RGS6: variants seen among roughly 807,000 people sequenced by gnomAD.
The protein encoded by RGS6 is regulator of G protein signaling 6, also known as regulator of G-protein signaling 6.
A neutral mutation model predicts 78.5 loss-of-function variants in RGS6; 30 were observed. That is an observed-to-expected ratio of 0.38 (90% CI 0.29 to 0.52). The LOEUF (loss-of-function observed/expected upper bound fraction) is 0.52. Ranked by LOEUF, RGS6 falls within the 20% of genes least tolerant of loss-of-function variation. The pLI is 0.85. For synonymous variants in RGS6, 206 were observed against 206.0 expected, an observed-to-expected ratio of 1.00 and a Z score of 0.00; for missense variants, 495 against 609.7, an observed-to-expected ratio of 0.81 and a Z score of 1.98.
chr14:72,097,479 G>A (rs2153517051), intron 2 of RGS6, among the ~76,000 whole-genome samples: 1 of 152,310 alleles, frequency 6.6e-6, no homozygotes, highest in Admixed American at 6.5e-5. Flanking sequence ...CTGAATGAAT[G>A]GCAATAGAGC....
chr14:72,534,721 A>G (rs1489705614), intron 15 of RGS6, among the ~76,000 whole-genome samples: 1 of 152,008 alleles, frequency 6.6e-6, no homozygotes, highest in East Asian at 1.9e-4. Flanking sequence ...CTGGCCAGGC[A>G]TCTCTAAAAT....
chr14:72,358,827 T>C (rs1349901051), intron 3 of RGS6, among the ~76,000 whole-genome samples: 1 of 152,126 alleles, frequency 6.6e-6, no homozygotes, highest in Non-Finnish European at 1.5e-5. Context: ...AATGTGAGGA[T>C]ATGAGATTTG....
chr14:72,465,154 A>G (rs2095869207), intron 6 of RGS6, among the ~76,000 whole-genome samples: 1 of 152,220 alleles, frequency 6.6e-6, no homozygotes, highest in Non-Finnish European at 1.5e-5. Flanking sequence ...CAGTGCCTGC[A>G]TGAGGGAGAA....
chr14:72,410,759 AG>A (rs781060022), intron 3 of RGS6, among the ~76,000 whole-genome samples: 8 of 152,202 alleles, frequency 5.3e-5, no homozygotes, highest in Non-Finnish European at 1.2e-4. Context: ...GGTGTAAAGG[AG>A]GGATCCAGTT....
At chr14:71,875,102 C>A in the RGS6 span, among the ~76,000 whole-genome samples, 3 of 151,972 alleles carry the variant, frequency 2.0e-5, no homozygotes, top group African/African-American at 4.8e-5. Flanking sequence ...GTCTAAAATT[C>A]TCTTTTTTTT....
At chr14:72,211,802 T>TA (rs2044242229) in intron 2 of RGS6, among the ~76,000 whole-genome samples, 1 of 152,210 alleles carries the variant, frequency 6.6e-6, no homozygotes. Context: ...GCTGAGTTAC[T>TA]ATTTTCTCCA....
chr14:71,976,368 G>C (rs1472196426), intron 2 of RGS6, among the ~76,000 whole-genome samples: 1 of 149,470 alleles, frequency 6.7e-6, no homozygotes, highest in African/African-American at 2.5e-5. Flanking sequence ...CCACTAACTC[G>C]TCATCTAGCA....
At chr14:72,146,184 A>C (rs1170635571) in intron 2 of RGS6, among the ~76,000 whole-genome samples, 1 of 152,004 alleles carries the variant, frequency 6.6e-6, no homozygotes, top group Non-Finnish European at 1.5e-5. Flanking sequence ...TTATGATACA[A>C]ACCTACTCTC....
intron 2 of RGS6, among the ~76,000 whole-genome samples, chr14:72,151,959 T>A (rs1415174733): frequency 6.6e-6 from 1 of 152,190 alleles, no homozygotes; most frequent in Non-Finnish European, 1.5e-5. Flanking sequence ...AAACATGAAC[T>A]TGAAAATGAG....
intron 2 of RGS6, among the ~76,000 whole-genome samples, chr14:72,225,078 T>A (rs928510447): frequency 6.6e-6 from 1 of 152,220 alleles, no homozygotes; most frequent in African/African-American, 2.4e-5. Context: ...ATGCCATATT[T>A]AGCAAAAGAG....
At chr14:72,406,335 G>T (rs1171197830) in intron 3 of RGS6, among the ~76,000 whole-genome samples, 1 of 152,082 alleles carries the variant, frequency 6.6e-6, no homozygotes, top group African/African-American at 2.4e-5. Flanking sequence ...AGTGAGATGA[G>T]ATCGTGCCAC....
At chr14:72,273,135 A>G (rs1290461610) in intron 2 of RGS6, among the ~76,000 whole-genome samples, 1 of 152,000 alleles carries the variant, frequency 6.6e-6, no homozygotes, top group Non-Finnish European at 1.5e-5. Flanking sequence ...TCCATCTCAA[A>G]AAAAAAAAGA....
chr14:72,448,083 T>C (rs1036673227), intron 3 of RGS6, among the ~76,000 whole-genome samples: 1 of 152,222 alleles, frequency 6.6e-6, no homozygotes, highest in African/African-American at 2.4e-5. Context: ...GAGTTTTGTA[T>C]ACCTGGCCTT....
intron 2 of RGS6, among the ~76,000 whole-genome samples, chr14:72,261,704 C>G (rs909604946): frequency 1.3e-5 from 2 of 152,200 alleles, no homozygotes; most frequent in Non-Finnish European, 2.9e-5. Flanking sequence ...GAGGCACCTT[C>G]TCTTGCCATC....
chr14:72,191,641 G>A (rs1223861707), intron 2 of RGS6, among the ~76,000 whole-genome samples: 1 of 152,176 alleles, frequency 6.6e-6, no homozygotes, highest in Non-Finnish European at 1.5e-5. Context: ...AGAACAGCAT[G>A]GGCAAGACCC....
chr14:71,874,649 G>T, the RGS6 span, among the ~76,000 whole-genome samples: 6 of 152,254 alleles, frequency 3.9e-5, no homozygotes, highest in South Asian at 1.0e-3. Context: ...TCTCCTGCCT[G>T]ATTGCCCTGG....
intron 14 of RGS6, among the ~76,000 whole-genome samples, chr14:72,512,292 C>T (rs918474255): frequency 1.3e-5 from 2 of 152,206 alleles, no homozygotes; most frequent in African/African-American, 2.4e-5. Context: ...ACTGGCTCAG[C>T]TGCCACCTTG....
intron 2 of RGS6, among the ~76,000 whole-genome samples, chr14:71,987,627 C>T (rs538658283): frequency 3.0e-4 from 45 of 152,152 alleles, no homozygotes; most frequent in African/African-American, 1.0e-3. Context: ...GGGGCTTGAT[C>T]CTCCCGTCTC....
intron 15 of RGS6, among the ~76,000 whole-genome samples, chr14:72,522,107 A>G (rs540930755): frequency 6.6e-6 from 1 of 152,326 alleles, no homozygotes; most frequent in African/African-American, 2.4e-5. Flanking sequence ...GGCTTAAACT[A>G]CAGAAATTTA....
Sources: gnomAD v4.1 joint callset for allele counts (sites outside exome capture counted in the v4.1 genomes callset) on GRCh38, gnomAD v4.1.1 for gene constraint, MANE v1.5 for transcripts, NCBI Gene and HGNC (gene_info 2026-07-23, HGNC 2026-07-21) for gene names.